Variants in SCFD2 observed in about 807,000 individuals in gnomAD.
SCFD2 encodes the protein sec1 family domain-containing protein 2.
SCFD2 carries 54 observed loss-of-function variants against 58.9 expected under a neutral mutation model. That is an observed-to-expected ratio of 0.92 (90% CI 0.74 to 1.15). The LOEUF is 1.15. SCFD2 is among the 50% of genes most tolerant of loss of function. The pLI is 0.00. For synonymous variants in SCFD2, 321 were observed against 335.9 expected, an observed-to-expected ratio of 0.96 and a Z score of 0.49; for missense variants, 805 against 836.6, an observed-to-expected ratio of 0.96 and a Z score of 0.47.
rs1234873594 is a variant in SCFD2, at chr4:53,194,901, G to A, written c.1312-49319C>T. 2.6e-5 allele frequency among the ~76,000 whole-genome samples: 4 copies of A among 152,186 alleles called. No homozygotes were observed. The South Asian group carries it at 6.2e-4, about 24-fold the overall frequency. ...TTAGAGCCACACATTTGAGCATCAT[G>A]GCTGTAGGTACAGATACAGCTGCTG... is the stretch of plus-strand genomic sequence containing the variant. On this transcript the variant is annotated intron_variant, in intron 4 of 8. Transcript: ENST00000401642.
At chr4:53,279,727 T>G (rs1252985680) in intron 3 of SCFD2, among the ~76,000 whole-genome samples, 1 of 152,212 alleles carries the variant, frequency 6.6e-6, no homozygotes, top group Admixed American at 6.5e-5. Context: ...AGAGGTTTAA[T>G]GGCCTCACAG....
chr4:53,294,220 C>T (rs1731942742), intron 3 of SCFD2, among the ~76,000 whole-genome samples: 1 of 152,210 alleles, frequency 6.6e-6, no homozygotes, highest in Non-Finnish European at 1.5e-5. Flanking sequence ...AATCACCACA[C>T]TGTCTTCCAC....
At chr4:53,243,887 G>C (rs915238790) in intron 4 of SCFD2, among the ~76,000 whole-genome samples, 9 of 151,774 alleles carry the variant, frequency 5.9e-5, no homozygotes, top group African/African-American at 1.9e-4. Flanking sequence ...GTTTGTTTTT[G>C]GTATTTTCTG....
intron 5 of SCFD2, among the ~76,000 whole-genome samples, chr4:53,094,655 T>G (rs1186497034): frequency 2.6e-5 from 4 of 152,082 alleles, no homozygotes; most frequent in African/African-American, 2.4e-5. Context: ...TGTCATCAAT[T>G]TCTTTAATCT....
chr4:53,064,018 A>C (rs1281015034), intron 5 of SCFD2, among the ~76,000 whole-genome samples: 4 of 151,588 alleles, frequency 2.6e-5, no homozygotes, highest in African/African-American at 9.7e-5. Flanking sequence ...CTTCCTTTTT[A>C]TATAAAATAT....
chr4:53,140,704 T>C (rs1311194039), intron 5 of SCFD2, among the ~76,000 whole-genome samples: 1 of 152,058 alleles, frequency 6.6e-6, no homozygotes, highest in Non-Finnish European at 1.5e-5. Flanking sequence ...AATGGGATGG[T>C]TGAGCATGCA....
chr4:53,000,361 G>C (rs1457647809), intron 5 of SCFD2, among the ~76,000 whole-genome samples: 1 of 152,170 alleles, frequency 6.6e-6, no homozygotes, highest in Non-Finnish European at 1.5e-5. Context: ...AGCTTCTCTA[G>C]AAAAACTAGA....
chr4:52,936,523 T>G (rs1720142617), intron 5 of SCFD2, among the ~76,000 whole-genome samples: 1 of 152,184 alleles, frequency 6.6e-6, no homozygotes. Context: ...ATGAGTGTCT[T>G]AGTAATAAGA....
At chr4:53,301,396 C>T (rs1379746261) in intron 3 of SCFD2, among the ~76,000 whole-genome samples, 1 of 151,992 alleles carries the variant, frequency 6.6e-6, no homozygotes, top group Non-Finnish European at 1.5e-5. Context: ...CAAGACTAAA[C>T]CAGGAAGAGG....
chr4:53,045,525 T>C (rs1287062888), intron 5 of SCFD2, among the ~76,000 whole-genome samples: 1 of 152,180 alleles, frequency 6.6e-6, no homozygotes, highest in Non-Finnish European at 1.5e-5. Flanking sequence ...CAAATAAATT[T>C]ATAAATAAAA....
intron 5 of SCFD2, among the ~76,000 whole-genome samples, chr4:53,076,299 T>TGGC (rs1412568417): frequency 2.0e-5 from 3 of 152,148 alleles, no homozygotes; most frequent in Non-Finnish European, 4.4e-5. Context: ...AAATTCCAAT[T>TGGC]TTATAAAGTA....
chr4:53,250,755 G>A (rs574352575), intron 4 of SCFD2, among the ~76,000 whole-genome samples: 9 of 152,232 alleles, frequency 5.9e-5, no homozygotes, highest in African/African-American at 1.7e-4. Context: ...GTGTGTAGAG[G>A]GAAATATATA....
intron 8 of SCFD2, among the ~76,000 whole-genome samples, chr4:52,882,623 G>A (rs971174852): frequency 6.6e-5 from 10 of 152,132 alleles, no homozygotes; most frequent in Admixed American, 2.0e-4. Flanking sequence ...AGACTAGACT[G>A]GCTTAGTCTC....
At chr4:52,877,814 C>T (rs746162664) in intron 8 of SCFD2, among the ~76,000 whole-genome samples, 1 of 152,116 alleles carries the variant, frequency 6.6e-6, no homozygotes, top group Non-Finnish European at 1.5e-5. Context: ...GCTTAAAATC[C>T]CTGCAGCTTC....
chr4:53,203,568 C>T (rs1201335018), intron 4 of SCFD2, among the ~76,000 whole-genome samples: 4 of 151,228 alleles, frequency 2.6e-5, no homozygotes, highest in African/African-American at 4.9e-5. Flanking sequence ...CCCACAAATG[C>T]AAAAAAATAA....
At chr4:53,317,093 C>A (rs1046795577) in intron 2 of SCFD2, among the ~76,000 whole-genome samples, 2 of 146,794 alleles carry the variant, frequency 1.4e-5, no homozygotes, top group African/African-American at 5.1e-5. Context: ...GGCAACAGAA[C>A]GAGACTCCAT....
intron 5 of SCFD2, among the ~76,000 whole-genome samples, chr4:53,043,450 T>C (rs1577680763): frequency 6.6e-6 from 1 of 152,330 alleles, no homozygotes; most frequent in Non-Finnish European, 1.5e-5. Flanking sequence ...AAATAATTGG[T>C]GACCATGTTG....
intron 4 of SCFD2, among the ~76,000 whole-genome samples, chr4:53,203,145 A>G (rs1271063508): frequency 6.6e-6 from 1 of 152,202 alleles, no homozygotes; most frequent in Non-Finnish European, 1.5e-5. Flanking sequence ...TTCATTCAGC[A>G]TGATATTGGC....
chr4:53,059,010 C>T lies in SCFD2; in HGVS notation c.1561+86323G>A, dbSNP rs138159255. ...CAGCATCTCAGAATTGCTCAGGAAT[C>T]GCGGTACCAGGAGCTGATGGCAAGG... On this transcript the variant is annotated intron_variant, in intron 5 of 8. Coordinates refer to ENST00000401642, the MANE Select transcript of SCFD2 (RefSeq NM_152540.4). Among the ~76,000 whole-genome samples, 92 of 152,218 alleles carry T rather than the reference C, an allele frequency of 6.0e-4. 1 individual carries two copies. Among genetic ancestry groups the T allele is most frequent in the African/African-American group, 2.2e-3 (91 of 41,566 alleles).
Sources: allele counts gnomAD v4.1 joint callset (sites outside exome capture counted in the v4.1 genomes callset), GRCh38; gene constraint gnomAD v4.1.1; transcripts MANE v1.5; gene names NCBI Gene and HGNC (gene_info 2026-07-23, HGNC 2026-07-21).